TMEM108: variants seen among roughly 807,000 people sequenced by gnomAD.
TMEM108 encodes the protein transmembrane protein 108.
Under a neutral mutation model 35.1 loss-of-function variants are expected in TMEM108, and 12 were observed. The ratio of observed to expected loss-of-function variants is 0.34; its 90% CI spans 0.22 to 0.55. The LOEUF (loss-of-function observed/expected upper bound fraction) is 0.55. TMEM108 is among the 20% of genes least tolerant of loss of function. The pLI is 0.89. For synonymous variants in TMEM108, 287 were observed against 308.6 expected, an observed-to-expected ratio of 0.93 and a Z score of 0.73; for missense variants, 680 against 753.3, an observed-to-expected ratio of 0.90 and a Z score of 1.14.
chr3:133,225,238 G>A (rs1345382966), intron 2 of TMEM108, among the ~76,000 whole-genome samples: 1 of 152,054 alleles, frequency 6.6e-6, no homozygotes, highest in African/African-American at 2.4e-5. Flanking sequence ...AGTAGAGAGA[G>A]GGTTTCATCG....
intron 3 of TMEM108, among the ~76,000 whole-genome samples, chr3:133,352,589 A>G (rs1205436313): frequency 6.6e-6 from 1 of 152,224 alleles, no homozygotes; most frequent in Non-Finnish European, 1.5e-5. Flanking sequence ...CTCGGGTTTA[A>G]TAATTTGCTT....
intron 3 of TMEM108, among the ~76,000 whole-genome samples, chr3:133,245,039 CTGTT>C (rs1210919415): frequency 6.6e-6 from 1 of 152,182 alleles, no homozygotes; most frequent in Non-Finnish European, 1.5e-5. Context: ...CAGAGTGTTT[CTGTT>C]TGTTTCCTCT....
intron 2 of TMEM108, among the ~76,000 whole-genome samples, chr3:133,190,375 T>G (rs916970619): frequency 2.0e-4 from 31 of 152,204 alleles, no homozygotes; most frequent in African/African-American, 7.5e-4. Context: ...AATGACCTCA[T>G]TTTTATGCCA....
chr3:133,302,056 C>T (rs1947232094), intron 3 of TMEM108, among the ~76,000 whole-genome samples: 1 of 152,192 alleles, frequency 6.6e-6, no homozygotes, highest in Non-Finnish European at 1.5e-5. Flanking sequence ...AGGAAGGATG[C>T]AGGGCAAATG....
chr3:133,153,987 T>C (rs1944839420), intron 2 of TMEM108, among the ~76,000 whole-genome samples: 1 of 152,014 alleles, frequency 6.6e-6, no homozygotes, highest in Admixed American at 6.6e-5. Context: ...CATCTCCAAA[T>C]GGAGTAGTCT....
chr3:133,384,715 C>T lies in TMEM108; in HGVS notation c.1450+3554C>T, dbSNP rs531187626. On this transcript the variant is annotated intron_variant, in intron 4 of 5. Coordinates refer to ENST00000321871, the MANE Select transcript of TMEM108 (RefSeq NM_023943.4). ...CCACGCCTGGCGCTGAATTGGTCGG[C>T]GCTCACCATTGTCAGCGGTCTGAGT... Among the ~76,000 whole-genome samples the T allele has an allele frequency of 5.3e-5, 8 of 152,288 alleles. No individual in the cohort carries two copies. The South Asian group carries it at 8.3e-4, about 16-fold the overall frequency.
chr3:133,178,799 A>G (rs1945281337), intron 2 of TMEM108, among the ~76,000 whole-genome samples: 1 of 152,254 alleles, frequency 6.6e-6, no homozygotes. Context: ...AAAAGCCAAA[A>G]TTGACAGATG....
intron 2 of TMEM108, among the ~76,000 whole-genome samples, chr3:133,075,894 CA>C (rs940363471): frequency 6.6e-6 from 1 of 152,098 alleles, no homozygotes; most frequent in Non-Finnish European, 1.5e-5. Flanking sequence ...CAGGAGGCCA[CA>C]AGCAAGTGAT....
chr3:133,135,551 T>C (rs1238039776), intron 2 of TMEM108, among the ~76,000 whole-genome samples: 1 of 152,050 alleles, frequency 6.6e-6, no homozygotes, highest in Admixed American at 6.6e-5. Flanking sequence ...AAATGCCAAA[T>C]TGAATGCAAC....
At chr3:133,267,022 G>T (rs1946707784) in intron 3 of TMEM108, among the ~76,000 whole-genome samples, 1 of 149,794 alleles carries the variant, frequency 6.7e-6, no homozygotes, top group Admixed American at 6.7e-5. Flanking sequence ...GGAGTTTGCA[G>T]TGAAGTCGAG....
chr3:133,266,812 C>T (rs1257479515), intron 3 of TMEM108, among the ~76,000 whole-genome samples: 1 of 151,624 alleles, frequency 6.6e-6, no homozygotes. Flanking sequence ...GTGGCTCATG[C>T]CTGTAATCCC....
chr3:133,333,363 CCT>C (rs1021463493), intron 3 of TMEM108, among the ~76,000 whole-genome samples: 10 of 134,026 alleles, frequency 7.5e-5, no homozygotes, highest in Non-Finnish European at 1.5e-4. Context: ...TTCCCTGGCC[CCT>C]CTTTCAAAAA....
intron 3 of TMEM108, among the ~76,000 whole-genome samples, chr3:133,242,915 A>T (rs1362658807): frequency 6.6e-6 from 1 of 152,242 alleles, no homozygotes; most frequent in Non-Finnish European, 1.5e-5. Flanking sequence ...ACCCTCTGAG[A>T]TGAAAAGAAA....
chr3:133,160,049 C>G (rs994933663), intron 2 of TMEM108, among the ~76,000 whole-genome samples: 1 of 152,204 alleles, frequency 6.6e-6, no homozygotes, highest in Non-Finnish European at 1.5e-5. Flanking sequence ...TCTTTGTTGA[C>G]AGACGCCTTC....
intron 2 of TMEM108, among the ~76,000 whole-genome samples, chr3:133,066,806 C>T (rs1943613695): frequency 6.6e-6 from 1 of 152,152 alleles, no homozygotes; most frequent in Non-Finnish European, 1.5e-5. Context: ...ATTGCATTCC[C>T]TCCCTCTCTC....
intron 3 of TMEM108, among the ~76,000 whole-genome samples, chr3:133,376,152 CA>C (rs893765383): frequency 1.8e-4 from 28 of 152,154 alleles, no homozygotes; most frequent in African/African-American, 6.3e-4. Context: ...CCAAGGATTC[CA>C]GTCAAAGGCT....
chr3:133,114,748 A>G (rs1192753363), intron 2 of TMEM108, among the ~76,000 whole-genome samples: 1 of 152,218 alleles, frequency 6.6e-6, no homozygotes, highest in Non-Finnish European at 1.5e-5. Context: ...ATGAATAAGA[A>G]TAATCCTTGT....
chr3:133,378,270 C>T (rs78733332), intron 3 of TMEM108: 48,443 of 918,666 alleles, frequency 0.053, 1,536 homozygotes, highest in African/African-American at 0.13. Context: ...CCACCACACA[C>T]CAAACGGTGA....
chr3:133,221,644 T>C (rs1480052180), intron 2 of TMEM108, among the ~76,000 whole-genome samples: 2 of 148,990 alleles, frequency 1.3e-5, no homozygotes, highest in African/African-American at 5.0e-5. Context: ...GTGGCATACA[T>C]TGATTACATT....
Sources: gnomAD v4.1 joint callset for allele counts (sites outside exome capture counted in the v4.1 genomes callset) on GRCh38, gnomAD v4.1.1 for gene constraint, MANE v1.5 for transcripts, NCBI Gene and HGNC (gene_info 2026-07-23, HGNC 2026-07-21) for gene names.